TWIST2: variants seen among roughly 807,000 people sequenced by gnomAD.
The protein encoded by TWIST2 is twist family bHLH transcription factor 2.
A neutral mutation model predicts 11.6 loss-of-function variants in TWIST2; 1 was observed. The observed-to-expected ratio is 0.09, with a 90% CI of 0.03 to 0.41. The LOEUF is 0.41. TWIST2 is among the 10% of genes least tolerant of loss of function. TWIST2 has a pLI of 0.98. For synonymous variants in TWIST2, 87 were observed against 96.6 expected, an observed-to-expected ratio of 0.90 and a Z score of 0.58; for missense variants, 168 against 226.4, an observed-to-expected ratio of 0.74 and a Z score of 1.66.
chr2:238,848,723 G>C lies in TWIST2; in HGVS notation c.*25G>C, dbSNP rs1262549721. The C allele has an allele frequency of 2.7e-6, 4 of 1,473,416 alleles. No homozygotes were observed. Among genetic ancestry groups the C allele is most frequent in the Admixed American group, 2.2e-5 (1 of 46,240 alleles). 91.3% of individuals were successfully genotyped at this position (1,473,416 alleles called of 1,614,324 possible). On this transcript the variant is annotated 3_prime_UTR_variant, in exon 1 of 2. Coordinates refer to ENST00000612363, the MANE Select transcript of TWIST2 (RefSeq NM_001271893.4). ...GCGCCGCGCCACCCACCTCCGGACC[G>C]GCGCGCCAGGGTAGGTGCTGCGCGC...
At chr2:238,850,037 T>A (rs1423314662) in intron 1 of TWIST2, among the ~76,000 whole-genome samples, 1 of 152,262 alleles carries the variant, frequency 6.6e-6, no homozygotes, top group Non-Finnish European at 1.5e-5. Flanking sequence ...TCTTTTTTTA[T>A]GTGGTTCTAT....
chr2:238,858,797 G>A (rs1692375750), intron 1 of TWIST2, among the ~76,000 whole-genome samples: 1 of 152,198 alleles, frequency 6.6e-6, no homozygotes. Flanking sequence ...ACAAAAACTT[G>A]TACATGAATG....
intron 1 of TWIST2, among the ~76,000 whole-genome samples, chr2:238,890,418 G>T (rs551377961): frequency 6.6e-5 from 10 of 152,206 alleles, no homozygotes. Context: ...CTGAGAGCCC[G>T]TGATTGCACA....
chr2:238,901,559 G>A (rs1693269001), intron 1 of TWIST2, among the ~76,000 whole-genome samples: 1 of 152,196 alleles, frequency 6.6e-6, no homozygotes, highest in African/African-American at 2.4e-5. Context: ...TGGCCCTCGG[G>A]TCCCTGGGGT....
intron 1 of TWIST2, among the ~76,000 whole-genome samples, chr2:238,908,352 C>T (rs1179078683): frequency 1.3e-3 from 3 of 2,256 alleles, no homozygotes; most frequent in African/African-American, 2.8e-3. Flanking sequence ...AAACACACCA[C>T]ACCCCACATA....
rs535426495 is a variant in TWIST2, at chr2:238,872,538, G to A, written c.*35+23805G>A. 4.6e-5 allele frequency among the ~76,000 whole-genome samples: 7 copies of A among 152,336 alleles called. No individual in the cohort carries two copies. The East Asian group carries it at 1.4e-3, about 29-fold the overall frequency. Reference sequence around the variant, plus strand: ...TGGCCAACGCTGTGCAGGGAAGGGCGATGCTCTTTCTTTTCCAAGAATTGG... The same window carrying A: ...TGGCCAACGCTGTGCAGGGAAGGGCAATGCTCTTTCTTTTCCAAGAATTGG... On this transcript the variant is annotated intron_variant, in intron 1 of 1. Transcript: ENST00000612363.
At chr2:238,850,971 T>C (rs1411377253) in intron 1 of TWIST2, among the ~76,000 whole-genome samples, 1 of 152,252 alleles carries the variant, frequency 6.6e-6, no homozygotes, top group Non-Finnish European at 1.5e-5. Context: ...ATTCTTTTTG[T>C]CTTTAACTCA....
chr2:238,890,173 G>A (rs1453323785), intron 1 of TWIST2, among the ~76,000 whole-genome samples: 1 of 47,936 alleles, frequency 2.1e-5, no homozygotes, highest in Non-Finnish European at 3.8e-5. Flanking sequence ...ACGTGGTCAG[G>A]GAGGTGGCAG....
chr2:238,876,830 AAAAGGGAAT>A (rs1377076745), intron 1 of TWIST2, among the ~76,000 whole-genome samples: 1 of 152,184 alleles, frequency 6.6e-6, no homozygotes, highest in Non-Finnish European at 1.5e-5. Context: ...CTATAGTCAA[AAAAGGGAAT>A]AAAGGGAATC....
At chr2:238,872,715 G>C (rs765794921) in intron 1 of TWIST2, among the ~76,000 whole-genome samples, 8 of 152,184 alleles carry the variant, frequency 5.3e-5, no homozygotes, top group Non-Finnish European at 8.8e-5. Context: ...AGCAGGTACA[G>C]TTGCCACTAA....
Position 238,909,873 on chromosome 2 carries a change from T to C in TWIST2, c.*67T>C, listed in dbSNP as rs1434715922. The C allele has an allele frequency of 2.6e-5, 4 of 152,184 alleles. No individual in the cohort carries two copies. Among genetic ancestry groups the C allele is most frequent in the Non-Finnish European group, 4.4e-5 (3 of 68,056 alleles). 9.4% of individuals were successfully genotyped at this position (152,184 alleles called of 1,614,324 possible). On this transcript the variant is annotated 3_prime_UTR_variant, in exon 2 of 2. Coordinates refer to ENST00000612363, the MANE Select transcript of TWIST2 (RefSeq NM_001271893.4). ...CGTCGCGTCGGCGGCGCAAGTGGAATTGGGATGCATTCGAGTCTGTAACTT... is the reference window on the plus strand; with the variant it reads ...CGTCGCGTCGGCGGCGCAAGTGGAACTGGGATGCATTCGAGTCTGTAACTT...
At chr2:238,857,594 G>A (rs1456184383) in intron 1 of TWIST2, among the ~76,000 whole-genome samples, 5 of 151,778 alleles carry the variant, frequency 3.3e-5, no homozygotes, top group African/African-American at 7.3e-5. Context: ...TGTCTGTCTC[G>A]TAAAGCATCC....
Position 238,867,411 on chromosome 2 carries a change from A to ACACACACACACACACACT in TWIST2, c.*35+18679_*35+18680insACACACACACACACACTC, listed in dbSNP as rs751874652. Among the ~76,000 whole-genome samples the ACACACACACACACACACT allele has an allele frequency of 5.4e-4, 78 of 144,994 alleles. No individual in the cohort carries two copies. The highest frequency in any genetic ancestry group is 3.4e-3 in the Middle Eastern group (1 of 290). The stretch of plus-strand genomic sequence containing the variant: ...CACACACACACACACACACACACAC[A>ACACACACACACACACACT]CTCCTCAGTAAAATACCCAGTTCTC... On this transcript the variant is annotated intron_variant, in intron 1 of 1. Transcript: ENST00000612363. This position sits in a 1 kb window ranked among gnomAD's most constrained non-coding sequence, Gnocchi z 4.8.
In TWIST2 at chr2:238,863,910, G is replaced by GT. The variant is rs1692478694; in HGVS notation, c.*35+15177_*35+15178insT. On this transcript the variant is annotated intron_variant, in intron 1 of 1. Coordinates refer to ENST00000612363, the MANE Select transcript of TWIST2 (RefSeq NM_001271893.4). This position sits in a 1 kb window ranked among gnomAD's most constrained non-coding sequence, Gnocchi z 4.7. ...GTAGAGTAGGTCTACCCCCTATCCT[G>GT]GGGGCATCCCTGTGTGCCAGCTTCT... Among the ~76,000 whole-genome samples, 1 of 152,138 alleles carries GT rather than the reference G, an allele frequency of 6.6e-6. No homozygotes were observed.
At chr2:238,894,912 T>C (rs1238816343) in intron 1 of TWIST2, among the ~76,000 whole-genome samples, 1 of 152,258 alleles carries the variant, frequency 6.6e-6, no homozygotes, top group African/African-American at 2.4e-5. Flanking sequence ...TATTTATATT[T>C]CATAGCAAGC....
intron 1 of TWIST2, among the ~76,000 whole-genome samples, chr2:238,885,679 G>T (rs1693021349): frequency 6.6e-6 from 1 of 152,202 alleles, no homozygotes; most frequent in Admixed American, 6.5e-5. Flanking sequence ...GCCCTGGGGA[G>T]ATGAAGGGAG....
At chr2:238,895,032 C>A (rs1457524428) in intron 1 of TWIST2, among the ~76,000 whole-genome samples, 1 of 152,206 alleles carries the variant, frequency 6.6e-6, no homozygotes, top group Admixed American at 6.5e-5. Context: ...GGCTGAGGCA[C>A]GTGCCTGCGT....
Position 238,884,588 on chromosome 2 carries a change from C to T in TWIST2, c.*36-25254C>T, listed in dbSNP as rs867356172. ...CCCGCAGGCCACCGGACTGGGCTGGCGAGGTGAGAACGGCACCTTCACACC... is the reference window on the plus strand; with the variant it reads ...CCCGCAGGCCACCGGACTGGGCTGGTGAGGTGAGAACGGCACCTTCACACC... On this transcript the variant is annotated intron_variant, in intron 1 of 1. Transcript: ENST00000612363. Among the ~76,000 whole-genome samples the T allele has an allele frequency of 8.5e-5, 13 of 152,280 alleles. No homozygotes were observed. In the East Asian group the frequency reaches 9.7e-4, roughly 11 times the overall value.
intron 1 of TWIST2, among the ~76,000 whole-genome samples, chr2:238,907,149 G>A (rs1410288531): frequency 6.6e-6 from 1 of 152,174 alleles, no homozygotes; most frequent in Non-Finnish European, 1.5e-5. Context: ...GGCAGAAGCG[G>A]CCCTGAGGCG....
Sources: allele counts gnomAD v4.1 joint callset (sites outside exome capture counted in the v4.1 genomes callset), GRCh38; gene constraint gnomAD v4.1.1; non-coding constraint Gnocchi (gnomAD v3.1); transcripts MANE v1.5; gene names NCBI Gene and HGNC (gene_info 2026-07-23, HGNC 2026-07-21).